The following ZFAND6 variants were observed in gnomAD, a reference collection of about 807,000 sequenced individuals.
The protein encoded by ZFAND6 is AN1-type zinc finger protein 6.
A neutral mutation model predicts 24.5 loss-of-function variants in ZFAND6; 12 were observed. The ratio of observed to expected loss-of-function variants is 0.49; its 90% CI spans 0.31 to 0.79. ZFAND6 has a LOEUF of 0.79. Ranked by LOEUF, ZFAND6 falls within the 30% of genes least tolerant of loss-of-function variation. The pLI is 0.04. For missense variants in ZFAND6, 207 were observed against 245.9 expected (o/e 0.84, Z 1.06); for synonymous variants, 92 against 81.5 (o/e 1.13, Z -0.69).
intron 1 of ZFAND6, among the ~76,000 whole-genome samples, chr15:80,070,610 C>T (rs1440274090): frequency 6.6e-6 from 1 of 152,124 alleles, no homozygotes; most frequent in Admixed American, 6.6e-5. Flanking sequence ...TCACTGAGTC[C>T]ACAGTTCTCT....
In ZFAND6 at chr15:80,070,840, A is replaced by T. The variant is rs528487558; in HGVS notation, c.-181+11031A>T. 3.3e-5 allele frequency among the ~76,000 whole-genome samples: 5 copies of T among 152,184 alleles called. No individual in the cohort carries two copies. In the East Asian group the frequency reaches 9.6e-4, roughly 29 times the overall value. ...TCCCGTAAAACCTTTGGCCATCTAC[A>T]GTCACTTTTCCTCAAATCTTATGCT... On this transcript the variant is annotated intron_variant, in intron 1 of 6. Transcript: ENST00000261749.
chr15:80,079,728 C>T (rs1418300464), intron 1 of ZFAND6, among the ~76,000 whole-genome samples: 1 of 147,124 alleles, frequency 6.8e-6, no homozygotes, highest in Non-Finnish European at 1.5e-5. Context: ...TGGCTCACTG[C>T]AAGCTCTGCC....
intron 1 of ZFAND6, among the ~76,000 whole-genome samples, chr15:80,088,096 T>C (rs1326895126): frequency 6.6e-6 from 1 of 152,224 alleles, no homozygotes; most frequent in Non-Finnish European, 1.5e-5. Context: ...ACTGTCCTTA[T>C]TTAGTTTTGT....
At chr15:80,083,030 C>T (rs894462367) in intron 1 of ZFAND6, among the ~76,000 whole-genome samples, 12 of 152,048 alleles carry the variant, frequency 7.9e-5, no homozygotes, top group South Asian at 4.2e-4. Flanking sequence ...CTCACTCTGT[C>T]GCCCAGGCTG....
In ZFAND6 at chr15:80,134,293, A is replaced by G. The variant is rs367869073; in HGVS notation, c.478+3000A>G. Among the ~76,000 whole-genome samples, 14 of 152,254 alleles carry G rather than the reference A, an allele frequency of 9.2e-5. No individual in the cohort carries two copies. The East Asian group carries it at 2.5e-3, about 27-fold the overall frequency. ...GCACGAGCCACAGCTCCTGGCCTAA[A>G]GTTGTTTTGATATTGGACAATGCCC... On this transcript the variant is annotated intron_variant, in intron 6 of 6. Coordinates refer to ENST00000261749, the MANE Select transcript of ZFAND6 (RefSeq NM_019006.4).
At position 80,079,123 on chromosome 15, in the gene ZFAND6, G is replaced by A. The variant is rs9920107; in HGVS notation, c.-180-19293G>A. On this transcript the variant is annotated intron_variant, in intron 1 of 6. Coordinates refer to ENST00000261749, the MANE Select transcript of ZFAND6 (RefSeq NM_019006.4). ...TGCTCGTTTTTTAATGGGATTATTTGTTTCTTGCTTGTTGAATTCTGGATA... is the reference window on the plus strand; with the variant it reads ...TGCTCGTTTTTTAATGGGATTATTTATTTCTTGCTTGTTGAATTCTGGATA... Among the ~76,000 whole-genome samples, 1,024 of 147,994 alleles carry A rather than the reference G, an allele frequency of 6.9e-3. 14 individuals carry two copies. The highest frequency in any genetic ancestry group is 0.024 in the African/African-American group (958 of 40,378).
rs552181058 is a variant in ZFAND6 at position 80,122,731 on chromosome 15, T to G, written c.295T>G (p.Ser99Ala). 6.8e-6 allele frequency: 11 copies of G among 1,613,682 alleles called. No homozygotes were observed. The African/African-American group carries it at 9.3e-5, about 14-fold the overall frequency. Reference protein sequence around the residue: ...PVSNQSLLSESVASSQLDSTS... With the variant: ...PVSNQSLLSEAVASSQLDSTS... The stretch of plus-strand genomic sequence containing the variant: ...ATCAAATCAGTCACTTTTATCAGAA[T>G]CTGTAGCATCTTCTCAATTGGACAG... Residue 99 changes from serine (S) to alanine (A), a missense_variant, in exon 5 of 7, where the codon TCT becomes GCT. By Grantham distance (99) the Ser-to-Ala change is moderately conservative. Around this residue, in one of 3 missense-constraint regions of ZFAND6, gnomAD observed 133 missense variants for 122.8 expected, o/e 1.08. Transcript: ENST00000261749.
chr15:80,089,452 T>TTAGTAGA (rs2038213782), intron 1 of ZFAND6, among the ~76,000 whole-genome samples: 2 of 151,754 alleles, frequency 1.3e-5, no homozygotes, highest in African/African-American at 2.4e-5. Flanking sequence ...GATGGGGTTT[T>TTAGTAGA]GCCATGTTTG....
At chr15:80,071,220 TC>T (rs2036959963) in intron 1 of ZFAND6, among the ~76,000 whole-genome samples, 1 of 152,214 alleles carries the variant, frequency 6.6e-6, no homozygotes, top group Non-Finnish European at 1.5e-5. Flanking sequence ...ATTTGAGTTT[TC>T]TCTGAGGAAA....
intron 2 of ZFAND6, among the ~76,000 whole-genome samples, chr15:80,110,819 C>G (rs1034973622): frequency 6.6e-6 from 1 of 152,094 alleles, no homozygotes; most frequent in African/African-American, 2.4e-5. Context: ...TAACCTCATT[C>G]CATACCAAGA....
intron 1 of ZFAND6, among the ~76,000 whole-genome samples, chr15:80,080,224 T>A (rs1330081268): frequency 6.6e-6 from 1 of 152,068 alleles, no homozygotes; most frequent in Non-Finnish European, 1.5e-5. Context: ...CTTGAATTCC[T>A]GACCTCGGGT....
intron 1 of ZFAND6, among the ~76,000 whole-genome samples, chr15:80,087,027 A>T (rs942320906): frequency 2.6e-5 from 4 of 152,226 alleles, no homozygotes; most frequent in African/African-American, 9.7e-5. Context: ...AATACTCTCT[A>T]TATATACATA....
chr15:80,128,555 G>C (rs924808146), intron 5 of ZFAND6, among the ~76,000 whole-genome samples: 1 of 152,184 alleles, frequency 6.6e-6, no homozygotes, highest in African/African-American at 2.4e-5. Context: ...GAAACAGGAT[G>C]ATTTCTGGGA....
At chr15:80,089,561 T>G (rs1208306461) in intron 1 of ZFAND6, among the ~76,000 whole-genome samples, 1 of 152,098 alleles carries the variant, frequency 6.6e-6, no homozygotes, top group Non-Finnish European at 1.5e-5. Context: ...CAGCCTAGCC[T>G]TTGTGTTCTC....
chr15:80,068,018 G>A (rs1438326279), intron 1 of ZFAND6, among the ~76,000 whole-genome samples: 2 of 151,312 alleles, frequency 1.3e-5, no homozygotes, highest in African/African-American at 4.9e-5. Context: ...CTGGAGTGCA[G>A]TGGCACAATC....
intron 6 of ZFAND6, among the ~76,000 whole-genome samples, chr15:80,134,831 A>G (rs1475773203): frequency 6.6e-6 from 1 of 152,232 alleles, no homozygotes; most frequent in East Asian, 1.9e-4. Context: ...ACAGATTGAC[A>G]CTAGACAGTC....
At chr15:80,069,388 T>G (rs1188976702) in intron 1 of ZFAND6, among the ~76,000 whole-genome samples, 1 of 152,168 alleles carries the variant, frequency 6.6e-6, no homozygotes, top group Non-Finnish European at 1.5e-5. Context: ...CAATGTACTG[T>G]TTTTTTGTAG....
chr15:80,130,934 AAAG>A (rs1308745627), intron 5 of ZFAND6: 5 of 386,926 alleles, frequency 1.3e-5, no homozygotes, highest in Non-Finnish European at 1.8e-5. Context: ...GTTAAAACCT[AAAG>A]AAAGTCTATA....
rs958727598 is a variant in ZFAND6 at position 80,077,283 on chromosome 15, A to G, written c.-181+17474A>G. On this transcript the variant is annotated intron_variant, in intron 1 of 6. Coordinates refer to ENST00000261749, the MANE Select transcript of ZFAND6 (RefSeq NM_019006.4). Reference sequence around the variant, plus strand: ...CTTATACATAGGGTAGAGAGGCTACATAGATTATTTTGCATCAAATATTCT... The same window carrying G: ...CTTATACATAGGGTAGAGAGGCTACGTAGATTATTTTGCATCAAATATTCT... Among the ~76,000 whole-genome samples, 4 of 151,700 alleles carry G rather than the reference A, an allele frequency of 2.6e-5. No homozygotes were observed. The South Asian group carries it at 6.2e-4, about 24-fold the overall frequency.
Sources: gnomAD v4.1 joint callset for allele counts (sites outside exome capture counted in the v4.1 genomes callset) on GRCh38, gnomAD v4.1.1 for gene constraint, gnomAD v4.1.1 regional missense constraint, MANE v1.5 for transcripts, NCBI Gene and HGNC (gene_info 2026-07-23, HGNC 2026-07-21) for gene names.